The following FNDC1 variants were observed in gnomAD, a reference collection of about 807,000 sequenced individuals.
FNDC1 encodes fibronectin type III domain containing 1.
A neutral mutation model predicts 168.0 loss-of-function variants in FNDC1; 96 were observed. The observed-to-expected ratio is 0.57, with a 90% CI of 0.48 to 0.68. FNDC1 has a LOEUF of 0.68. FNDC1 is among the 30% of genes least tolerant of loss of function. The probability of loss-of-function intolerance (pLI) is 0.00; values close to 1 mark genes in which losing one functional copy is unlikely to be tolerated. For missense variants in FNDC1, 2,587 were observed against 2,482.1 expected (o/e 1.04, Z -0.90); for synonymous variants, 1,099 against 1,025.9 (o/e 1.07, Z -1.36).
In FNDC1 at chr6:159,233,659, C is replaced by T. The variant is rs1783163038; in HGVS notation, c.3147C>T (p.Ser1049=). The T allele has an allele frequency of 2.6e-6, 4 of 1,552,076 alleles. No individual in the cohort carries two copies. Among genetic ancestry groups the T allele is most frequent in the African/African-American group, 1.4e-5 (1 of 73,148 alleles). ...GRPRPTSQGR[S]HSSSDPYTAS... is the part of the protein sequence containing the mutation. ...CCCGCCCCACGTCGCAGGGCCGCTC[C>T]CACTCCTCCTCGGACCCTTACACGG... The change falls in exon 11 of 23, where the codon TCC becomes TCT. Residue 1049 remains serine, a synonymous_variant. Coordinates refer to ENST00000297267, the MANE Select transcript of FNDC1 (RefSeq NM_032532.3). This position sits in a 1 kb window ranked among gnomAD's most constrained non-coding sequence, Gnocchi z 4.6.
intron 2 of FNDC1, among the ~76,000 whole-genome samples, 154 bp downstream of exon 2, chr6:159,197,779 C>T (rs936443819): frequency 6.6e-6 from 1 of 152,202 alleles, no homozygotes; most frequent in Admixed American, 6.5e-5. Flanking sequence ...AGATGCTTGT[C>T]GGAGGCTGCT....
At chr6:159,179,473 A>G (rs1562626642) in intron 1 of FNDC1, among the ~76,000 whole-genome samples, 1 of 152,116 alleles carries the variant, frequency 6.6e-6, no homozygotes, top group Non-Finnish European at 1.5e-5. Context: ...AAAAACAAAA[A>G]CAAAAACAAT....
chr6:159,201,931 C>T (rs1292112293), intron 4 of FNDC1, among the ~76,000 whole-genome samples: 1 of 152,172 alleles, frequency 6.6e-6, no homozygotes, highest in Admixed American at 6.5e-5. Flanking sequence ...TAATTAATTT[C>T]TTATGCCCTC....
rs1227138195 is a variant in FNDC1, at chr6:159,197,544, A to G, written c.223A>G (p.Ile75Val). 16 of 1,613,888 alleles carry G rather than the reference A, an allele frequency of 9.9e-6. No homozygotes were observed. Among genetic ancestry groups the G allele is most frequent in the Non-Finnish European group, 1.2e-5 (14 of 1,179,888 alleles). The change falls in exon 2 of 23, where the codon ATT becomes GTT. Residue 75 changes from isoleucine (I) to valine (V), a missense_variant. Coordinates refer to ENST00000297267, the MANE Select transcript of FNDC1 (RefSeq NM_032532.3). The part of the protein sequence containing the change: ...ATSRPVEHYN[I>V]AYGKSLKSLK... Reference sequence around the variant, plus strand: ...CAGTAGACCTGTGGAGCATTACAACATTGCCTATGGGAAGTCACTGAAAAG... The same window carrying G: ...CAGTAGACCTGTGGAGCATTACAACGTTGCCTATGGGAAGTCACTGAAAAG...
chr6:159,219,440 G>A (rs887494694), intron 5 of FNDC1, among the ~76,000 whole-genome samples: 1 of 152,138 alleles, frequency 6.6e-6, no homozygotes, highest in Non-Finnish European at 1.5e-5. Context: ...CAGCTTGCTG[G>A]GTGGCTGTGG....
chr6:159,233,715 TC>T lies in FNDC1; in HGVS notation c.3205del (p.Gln1069ArgfsTer172). 6.5e-7 allele frequency: 1 copy of T among 1,549,706 alleles called. No homozygotes were observed. The highest frequency in any genetic ancestry group is 8.7e-7 in the Non-Finnish European group (1 of 1,146,770). Reference sequence around the variant, plus strand: ...TCCAGAGGGATGCTCCCCACGGCCCTCCAGAACCAGGACGAGGATGCCCAGG... The same window carrying T: ...TCCAGAGGGATGCTCCCCACGGCCCTCAGAACCAGGACGAGGATGCCCAGG... Reference protein sequence around the residue: ...ASSRGMLPTALQNQDEDAQGS... With the variant: ...ASSRGMLPTAXQNQDEDAQGS... On this transcript the variant is annotated frameshift_variant, in exon 11 of 23. Transcript: ENST00000297267. LOFTEE classifies it high-confidence loss of function. This position sits in a 1 kb window ranked among gnomAD's most constrained non-coding sequence, Gnocchi z 4.6.
chr6:159,238,653 C>T lies in FNDC1; in HGVS notation c.4168C>T (p.Arg1390Ter), dbSNP rs766895954. The change falls in exon 13 of 23, where the codon CGA (arginine) becomes TGA (stop). Residue 1390 changes from arginine (R) to a stop codon, truncating the protein, a stop_gained. Coordinates refer to ENST00000297267, the MANE Select transcript of FNDC1 (RefSeq NM_032532.3). LOFTEE classifies it high-confidence loss of function. ...TCGGATTAAACTAGGAGGAGATGGTCGAACCATTGTAGGTAAGGGAGAATG... is the reference window on the plus strand; with the variant it reads ...TCGGATTAAACTAGGAGGAGATGGTTGAACCATTGTAGGTAAGGGAGAATG... ...PLRIKLGGDG[R>*]TIVDLEGTPV... 1.1e-5 allele frequency: 18 copies of T among 1,600,942 alleles called. No homozygotes were observed. The highest frequency in any genetic ancestry group is 2.7e-5 in the African/African-American group (2 of 74,720).
At chr6:159,184,590 A>T (rs562553722) in intron 1 of FNDC1, among the ~76,000 whole-genome samples, 1 of 152,246 alleles carries the variant, frequency 6.6e-6, no homozygotes, top group African/African-American at 2.4e-5. Flanking sequence ...CCTCTCCAGA[A>T]CCTTTGCTTG....
intron 8 of FNDC1, among the ~76,000 whole-genome samples, 160 bp downstream of exon 8, chr6:159,225,882 A>G (rs189579119): frequency 2.6e-5 from 4 of 152,370 alleles, no homozygotes; most frequent in Non-Finnish European, 5.9e-5. Context: ...GCGTACATGC[A>G]AAGAAGTTAA....
rs200527903 is a variant in FNDC1, at chr6:159,232,609, G to A, written c.2097G>A (p.Arg699=). 1.5e-4 allele frequency: 238 copies of A among 1,608,204 alleles called. 1 individual carries two copies. Among genetic ancestry groups the A allele is most frequent in the Non-Finnish European group, 1.9e-4 (219 of 1,176,218 alleles). The change falls in exon 11 of 23, where the codon AGG becomes AGA. Residue 699 remains arginine (R), a synonymous_variant. Coordinates refer to ENST00000297267, the MANE Select transcript of FNDC1 (RefSeq NM_032532.3). This position sits in a 1 kb window ranked among gnomAD's most constrained non-coding sequence, Gnocchi z 4.9. ...CAAAGCCAGCCTCGCCGGCCCGGAG[G>A]ACCCCCCATTCAGGGGCCGCAGAGG... ...PGAKPASPAR[R]TPHSGAAEED... is the part of the protein sequence containing the mutation.
chr6:159,247,986 A>G (rs535499008), intron 15 of FNDC1, among the ~76,000 whole-genome samples: 1 of 152,310 alleles, frequency 6.6e-6, no homozygotes, highest in South Asian at 2.1e-4. Flanking sequence ...TTCTGCAATT[A>G]TTCATAGCTC....
intron 7 of FNDC1, among the ~76,000 whole-genome samples, chr6:159,224,950 C>A (rs1013142767): frequency 6.6e-6 from 1 of 152,172 alleles, no homozygotes. Flanking sequence ...GATAACCATG[C>A]ACCACAGTTC....
intron 1 of FNDC1, among the ~76,000 whole-genome samples, chr6:159,191,716 G>C (rs1382330509): frequency 6.6e-6 from 1 of 152,202 alleles, no homozygotes; most frequent in African/African-American, 2.4e-5. Flanking sequence ...TTATTCACCT[G>C]ATATTTATTG....
In FNDC1 at chr6:159,233,262, C is replaced by T; in HGVS notation, c.2750C>T (p.Ala917Val). 6.2e-7 allele frequency: 1 copy of T among 1,613,960 alleles called. No homozygotes were observed. Among genetic ancestry groups the T allele is most frequent in the Non-Finnish European group, 8.5e-7 (1 of 1,179,874 alleles). ...EDLRRSPQRG[A>V]SLHRKEPIPE... ...TTAAGGAGAAGCCCGCAGAGAGGGG[C>T]CAGCCTGCATCGGAAGGAACCCATC... Residue 917 changes from alanine (A) to valine (V), a missense_variant, in exon 11 of 23, where the codon GCC becomes GTC. Coordinates refer to ENST00000297267, the MANE Select transcript of FNDC1 (RefSeq NM_032532.3). This position sits in a 1 kb window ranked among gnomAD's most constrained non-coding sequence, Gnocchi z 4.6.
chr6:159,266,331 A>G, intron 21 of FNDC1, 86 bp downstream of exon 21: 3 of 1,393,894 alleles, frequency 2.2e-6, no homozygotes, highest in Non-Finnish European at 1.0e-6. Flanking sequence ...GTGCATCGGA[A>G]TGTTTATGAG....
Position 159,229,982 on chromosome 6 carries a change from T to C in FNDC1, c.1348T>C (p.Phe450Leu), listed in dbSNP as rs1296465005. 2 of 1,613,562 alleles carry C rather than the reference T, an allele frequency of 1.2e-6. No individual in the cohort carries two copies. Among genetic ancestry groups the C allele is most frequent in the Non-Finnish European group, 1.7e-6 (2 of 1,179,750 alleles). ...AGGCCTGGGACCTCACTCCAAAGCC[T>C]TCATTGTCGCTATGCCAACAAGTAA... ...RRGLGPHSKA[F>L]IVAMPTTSKA... Residue 450 changes from phenylalanine to leucine, a missense_variant, in exon 10 of 23, where the codon TTC becomes CTC. Coordinates refer to ENST00000297267, the MANE Select transcript of FNDC1 (RefSeq NM_032532.3).
chr6:159,252,852 A>G (rs1777297269), intron 17 of FNDC1, among the ~76,000 whole-genome samples: 1 of 152,264 alleles, frequency 6.6e-6, no homozygotes. Context: ...ACATAAATAT[A>G]TCACTGCGCC....
chr6:159,266,653 A>T (rs1415643714), intron 21 of FNDC1, among the ~76,000 whole-genome samples: 4 of 149,504 alleles, frequency 2.7e-5, no homozygotes, highest in Non-Finnish European at 5.9e-5. Context: ...TGGCTATGTC[A>T]TTCCAAAATT....
intron 22 of FNDC1, among the ~76,000 whole-genome samples, chr6:159,268,330 TAC>T (rs2115034904): frequency 6.6e-6 from 1 of 152,252 alleles, no homozygotes; most frequent in African/African-American, 2.4e-5. Flanking sequence ...AACAACTGAG[TAC>T]AGTCTAGCAC....
Sources: allele counts gnomAD v4.1 joint callset (sites outside exome capture counted in the v4.1 genomes callset), GRCh38; gene constraint gnomAD v4.1.1; non-coding constraint Gnocchi (gnomAD v3.1); transcripts MANE v1.5; gene names NCBI Gene and HGNC (gene_info 2026-07-23, HGNC 2026-07-21).